GRIP1: variants seen among roughly 807,000 people sequenced by gnomAD.
GRIP1 encodes glutamate receptor interacting protein 1.
GRIP1 carries 45 observed loss-of-function variants against 129.9 expected under a neutral mutation model. The ratio of observed to expected loss-of-function variants is 0.35; its 90% CI spans 0.27 to 0.44. The LOEUF (loss-of-function observed/expected upper bound fraction) is 0.44, where lower values mean the gene tolerates loss of function less well. Ranked by LOEUF, GRIP1 falls within the 20% of genes least tolerant of loss-of-function variation. The pLI is 1.00. For synonymous variants in GRIP1, 530 were observed against 520.8 expected (o/e 1.02, Z -0.24); for missense variants, 1,196 against 1,396.8 (o/e 0.86, Z 2.29).
intron 1 of GRIP1, among the ~76,000 whole-genome samples, chr12:66,903,174 C>CA (rs1437281875): frequency 6.6e-5 from 10 of 151,848 alleles, no homozygotes; most frequent in Admixed American, 6.6e-4. Flanking sequence ...AATCAACATG[C>CA]AAAAAAGCAT....
At chr12:66,787,929 T>C (rs2038406310) in intron 1 of GRIP1, among the ~76,000 whole-genome samples, 1 of 152,122 alleles carries the variant, frequency 6.6e-6, no homozygotes, top group African/African-American at 2.4e-5. Flanking sequence ...GGCGCCTTAT[T>C]GTGGTCACAG....
In GRIP1 at chr12:66,904,814, C is replaced by A. The variant is rs527397183; in HGVS notation, c.58+164236G>T. ...GGCTGAGGCAGGAGAATCGCTTGAA[C>A]CCAGGAGGCAGAGGTTGCAGTGAGC... On this transcript the variant is annotated intron_variant, in intron 1 of 1. Coordinates refer to the GRIP1 transcript ENST00000643019. Among the ~76,000 whole-genome samples, 10 of 152,042 alleles carry A rather than the reference C, an allele frequency of 6.6e-5. No individual in the cohort carries two copies. The East Asian group carries it at 1.7e-3, about 26-fold the overall frequency.
chr12:66,996,735 A>G (rs2042473293), intron 1 of GRIP1, among the ~76,000 whole-genome samples: 1 of 152,106 alleles, frequency 6.6e-6, no homozygotes, highest in African/African-American at 2.4e-5. Context: ...ACCATACCCC[A>G]TTGTTTCCAC....
chr12:66,515,592 G>A (rs2060821343), intron 7 of GRIP1, 27 bp downstream of exon 7: 1 of 1,602,002 alleles, frequency 6.2e-7, no homozygotes, highest in East Asian at 2.2e-5. Context: ...GGTGCTTAGA[G>A]ATCACACCCT....
chr12:66,928,895 C>T (rs1232902346), intron 1 of GRIP1, among the ~76,000 whole-genome samples: 2 of 152,188 alleles, frequency 1.3e-5, no homozygotes, highest in Non-Finnish European at 2.9e-5. Context: ...TACTGGGACA[C>T]CACTGTGTAT....
chr12:67,057,894 C>T (rs1526842), intron 1 of GRIP1, among the ~76,000 whole-genome samples: 146,459 of 152,338 alleles, frequency 0.96, 70,686 homozygotes, highest in East Asian at 1. Flanking sequence ...CTGCACATAC[C>T]AGAAAATTAT....
intron 1 of GRIP1, among the ~76,000 whole-genome samples, chr12:66,601,391 T>C (rs1420200956): frequency 1.3e-5 from 2 of 152,190 alleles, no homozygotes; most frequent in Non-Finnish European, 2.9e-5. Flanking sequence ...CCTCCAACGT[T>C]TGCTTGGTAT....
intron 1 of GRIP1, among the ~76,000 whole-genome samples, chr12:66,764,456 A>C (rs1407364355): frequency 2.6e-5 from 4 of 152,166 alleles, no homozygotes; most frequent in African/African-American, 9.7e-5. Flanking sequence ...ACTGAGGAAA[A>C]GTTATTATTT....
intron 1 of GRIP1, among the ~76,000 whole-genome samples, chr12:66,660,976 A>T (rs951826783): frequency 6.6e-6 from 1 of 152,086 alleles, no homozygotes; most frequent in Non-Finnish European, 1.5e-5. Context: ...TCTTTCTAGG[A>T]TATAAATAGT....
chr12:66,846,836 G>C (rs1025013997), intron 1 of GRIP1, among the ~76,000 whole-genome samples: 3 of 152,148 alleles, frequency 2.0e-5, no homozygotes, highest in Non-Finnish European at 2.9e-5. Flanking sequence ...AGAGGAAGAG[G>C]GGGGACCTGT....
chr12:66,459,722 G>A (rs936438724), intron 9 of GRIP1, among the ~76,000 whole-genome samples: 1 of 152,170 alleles, frequency 6.6e-6, no homozygotes, highest in Non-Finnish European at 1.5e-5. Context: ...GCACAAAACT[G>A]TATGCCATGG....
chr12:67,031,393 C>T lies in GRIP1; in HGVS notation c.58+37657G>A, dbSNP rs562295231. On this transcript the variant is annotated intron_variant, in intron 1 of 1. Transcript: ENST00000643019. ...GACTTCTCTTCCTCTTTTTCATCACCCGAAGACAGTCACACCTAAGGGCAT... is the reference window on the plus strand; with the variant it reads ...GACTTCTCTTCCTCTTTTTCATCACTCGAAGACAGTCACACCTAAGGGCAT... Among the ~76,000 whole-genome samples the T allele has an allele frequency of 5.3e-5, 8 of 152,294 alleles. No homozygotes were observed. In the East Asian group the frequency reaches 7.7e-4, roughly 15 times the overall value.
intron 1 of GRIP1, among the ~76,000 whole-genome samples, chr12:67,041,694 T>C (rs1230303024): frequency 6.6e-6 from 1 of 151,532 alleles, no homozygotes; most frequent in African/African-American, 2.4e-5. Context: ...GTATTGTAAA[T>C]AAATTTGACA....
intron 6 of GRIP1, among the ~76,000 whole-genome samples, chr12:66,516,521 ACTCTCTAAGT>A (rs2060848835): frequency 6.6e-6 from 1 of 151,976 alleles, no homozygotes; most frequent in South Asian, 2.1e-4. Flanking sequence ...CACCTAGTTC[ACTCTCTAAGT>A]CTTTTGGCTC....
chr12:67,050,222 G>A (rs1006657713), intron 1 of GRIP1, among the ~76,000 whole-genome samples: 7 of 151,940 alleles, frequency 4.6e-5, no homozygotes, highest in African/African-American at 1.2e-4. Context: ...AAATCTTCAC[G>A]CAACTTATCC....
intron 1 of GRIP1, among the ~76,000 whole-genome samples, chr12:66,846,818 C>T (rs1034199572): frequency 2.0e-5 from 3 of 152,104 alleles, no homozygotes; most frequent in African/African-American, 7.2e-5. Flanking sequence ...CTGGGTCAGC[C>T]ACGGGGCAGA....
chr12:66,596,719 CT>C lies in GRIP1; in HGVS notation c.136+127del, dbSNP rs2064064220. On this transcript the variant is annotated intron_variant, in intron 2 of 24. Coordinates refer to ENST00000359742, the MANE Select transcript of GRIP1 (RefSeq NM_001366722.1). The stretch of plus-strand genomic sequence containing the variant: ...TTGAACAAGTGTTGTAGAATTCAGT[CT>C]ATGCTCTGTGAAATAACATGATTTA... 1.1e-5 allele frequency: 8 copies of C among 702,650 alleles called. No homozygotes were observed. In the Admixed American group the frequency reaches 1.4e-4, roughly 13 times the overall value. The allele number at this position is 702,650 out of a possible 1,614,324, so 43.5% of individuals were successfully genotyped here.
At chr12:66,549,869 CTGTA>C (rs59124975) in intron 2 of GRIP1, among the ~76,000 whole-genome samples, 2,171 of 152,222 alleles carry the variant, frequency 0.014, 57 homozygotes, top group African/African-American at 0.05. Flanking sequence ...GGATTAATAT[CTGTA>C]TGTTTCCTAT....
chr12:66,741,895 T>C (rs957298796), intron 1 of GRIP1, among the ~76,000 whole-genome samples: 1 of 152,196 alleles, frequency 6.6e-6, no homozygotes, highest in African/African-American at 2.4e-5. Context: ...CAGCCAGCTT[T>C]TTCCTTATGC....
Sources: gnomAD v4.1 joint callset for allele counts (sites outside exome capture counted in the v4.1 genomes callset) on GRCh38, gnomAD v4.1.1 for gene constraint, MANE v1.5 for transcripts, NCBI Gene and HGNC (gene_info 2026-07-23, HGNC 2026-07-21) for gene names.